ACOT13: variants seen among roughly 807,000 people sequenced by gnomAD.
ACOT13 encodes acyl-coenzyme A thioesterase 13.
A neutral mutation model predicts 11.8 loss-of-function variants in ACOT13; 10 were observed. That is an observed-to-expected ratio of 0.85 (90% CI 0.53 to 1.44). The LOEUF (loss-of-function observed/expected upper bound fraction) is 1.44, where lower values mean the gene tolerates loss of function less well. Ranked by LOEUF, ACOT13 falls within the 40% of genes most tolerant of loss-of-function variation. The pLI, the probability that ACOT13 is intolerant of heterozygous loss-of-function variation, is 0.00. For synonymous variants in ACOT13, 53 were observed against 61.0 expected (o/e 0.87, Z 0.61); for missense variants, 172 against 174.1 (o/e 0.99, Z 0.07).
chr6:24,684,606 A>G (rs1342071464), intron 1 of ACOT13, among the ~76,000 whole-genome samples: 4 of 146,048 alleles, frequency 2.7e-5, no homozygotes. Flanking sequence ...TGGAAATACA[A>G]TGTAAGCTAC....
At chr6:24,680,569 C>T (rs981772707) in intron 1 of ACOT13, among the ~76,000 whole-genome samples, 3 of 152,092 alleles carry the variant, frequency 2.0e-5, no homozygotes, top group Admixed American at 1.3e-4. Flanking sequence ...TAGTTACGCT[C>T]ACCAATGTAG....
intron 1 of ACOT13, among the ~76,000 whole-genome samples, chr6:24,679,526 A>G (rs1358824578): frequency 2.6e-5 from 4 of 152,180 alleles, no homozygotes; most frequent in Admixed American, 2.0e-4. Context: ...TGCATAATTC[A>G]TAGGCTTCTT....
At chr6:24,695,814 C>A (rs961443412) in intron 1 of ACOT13, among the ~76,000 whole-genome samples, 1 of 152,162 alleles carries the variant, frequency 6.6e-6, no homozygotes, top group Non-Finnish European at 1.5e-5. Flanking sequence ...CGACTCTAAT[C>A]CCAGCACTTT....
rs1325975727 is a variant in ACOT13 at position 24,704,259 on chromosome 6, A to C, written c.*2644A>C. The C allele has an allele frequency of 6.6e-6, 1 of 152,246 alleles. No individual in the cohort carries two copies. Among genetic ancestry groups the C allele is most frequent in the Non-Finnish European group, 1.5e-5 (1 of 68,048 alleles). The allele number at this position is 152,246 out of a possible 1,614,324, so 9.4% of individuals were successfully genotyped here. A position where few individuals can be genotyped will look rare whatever the true frequency, so the allele number is the denominator to read the frequency against. On this transcript the variant is annotated 3_prime_UTR_variant, in exon 3 of 3. Coordinates refer to ENST00000230048, the MANE Select transcript of ACOT13 (RefSeq NM_018473.4). Reference sequence around the variant, plus strand: ...AGAGAAAATGAAAAAAATGTGGCAAAATAATAAAAATGAGGGTAAAGATTA... The same window carrying C: ...AGAGAAAATGAAAAAAATGTGGCAACATAATAAAAATGAGGGTAAAGATTA...
At chr6:24,674,962 A>G (rs1023109882) in intron 1 of ACOT13, among the ~76,000 whole-genome samples, 6 of 140,490 alleles carry the variant, frequency 4.3e-5, no homozygotes, top group Admixed American at 8.2e-5. Context: ...GTTCCCATCT[A>G]TGAGTGAGAA....
At chr6:24,675,515 G>A (rs1236588642) in intron 1 of ACOT13, among the ~76,000 whole-genome samples, 1 of 152,208 alleles carries the variant, frequency 6.6e-6, no homozygotes, top group African/African-American at 2.4e-5. Context: ...TCTGTTGGCT[G>A]CATAAATGTC....
At chr6:24,682,802 T>C (rs1469666373) in intron 1 of ACOT13, among the ~76,000 whole-genome samples, 6 of 151,670 alleles carry the variant, frequency 4.0e-5, no homozygotes, top group Non-Finnish European at 5.9e-5. Context: ...TAGAGTGAAA[T>C]AGAGTGAAAA....
In ACOT13 at chr6:24,704,982, A is replaced by G. The variant is rs756848559; in HGVS notation, c.*3367A>G. Reference sequence around the variant, plus strand: ...TAAATACAATTGGAAACTGGTAAGCACTAGTTTTACTCCAAAGGAGTAGGA... The same window carrying G: ...TAAATACAATTGGAAACTGGTAAGCGCTAGTTTTACTCCAAAGGAGTAGGA... On this transcript the variant is annotated 3_prime_UTR_variant, in exon 3 of 3. Coordinates refer to ENST00000230048, the MANE Select transcript of ACOT13 (RefSeq NM_018473.4). 1.3e-5 allele frequency: 2 copies of G among 151,670 alleles called. No individual in the cohort carries two copies. Among genetic ancestry groups the G allele is most frequent in the Non-Finnish European group, 2.9e-5 (2 of 67,838 alleles). The allele number at this position is 151,670 out of a possible 1,614,324, so 9.4% of individuals were successfully genotyped here.
chr6:24,689,874 A>C (rs1778695664), intron 1 of ACOT13, among the ~76,000 whole-genome samples: 1 of 152,212 alleles, frequency 6.6e-6, no homozygotes, highest in Non-Finnish European at 1.5e-5. Context: ...ACTCACAGCA[A>C]ATATAAGTAT....
intron 1 of ACOT13, among the ~76,000 whole-genome samples, chr6:24,689,668 A>G (rs1425094710): frequency 6.6e-6 from 1 of 152,178 alleles, no homozygotes; most frequent in African/African-American, 2.4e-5. Flanking sequence ...CAGCACCGAA[A>G]GAGTAGTAGG....
chr6:24,703,275 TAAAGAC>T lies in ACOT13; in HGVS notation c.*1664_*1669del, dbSNP rs1778926552. On this transcript the variant is annotated 3_prime_UTR_variant, in exon 3 of 3. Transcript: ENST00000230048. ...AGTAAATTTAAGTCAAGTTAACAGT[TAAAGAC>T]AAATCCTTTCCCTACATTAGATCGC... is the stretch of plus-strand genomic sequence containing the variant. The T allele has an allele frequency of 6.6e-6, 1 of 152,220 alleles. No homozygotes were observed. Among genetic ancestry groups the T allele is most frequent in the Non-Finnish European group, 1.5e-5 (1 of 68,000 alleles). 9.4% of individuals were successfully genotyped at this position (152,220 alleles called of 1,614,324 possible). A position where few individuals can be genotyped will look rare whatever the true frequency, so the allele number is the denominator to read the frequency against.
At chr6:24,700,381 T>C (rs1778872131) in intron 2 of ACOT13, among the ~76,000 whole-genome samples, 1 of 151,848 alleles carries the variant, frequency 6.6e-6, no homozygotes, top group African/African-American at 2.4e-5. Flanking sequence ...CATTGAGGTA[T>C]GTGAATTAAA....
At chr6:24,669,020 C>G (rs916156064) in intron 1 of ACOT13, among the ~76,000 whole-genome samples, 1 of 152,168 alleles carries the variant, frequency 6.6e-6, no homozygotes, top group Non-Finnish European at 1.5e-5. Context: ...TTCCCTGCCT[C>G]CAGATCCGAT....
Position 24,698,042 on chromosome 6 carries a change from G to C in ACOT13, c.241G>C (p.Gly81Arg). 1.2e-6 allele frequency: 2 copies of C among 1,609,374 alleles called. No individual in the cohort carries two copies. The highest frequency in any genetic ancestry group is 1.7e-6 in the Non-Finnish European group (2 of 1,178,224). ...ALLCTERGAP[G>R]VSVDMNITYM... ...GCTATGCACGGAAAGGGGAGCACCC[G>C]GAGTCAGTGTCGATATGAACATAAC... Residue 81 changes from glycine to arginine, a missense_variant, in exon 2 of 3, where the codon GGA becomes CGA. Coordinates refer to ENST00000230048, the MANE Select transcript of ACOT13 (RefSeq NM_018473.4).
At chr6:24,676,601 A>T (rs1385460376) in intron 1 of ACOT13, among the ~76,000 whole-genome samples, 2 of 152,192 alleles carry the variant, frequency 1.3e-5, no homozygotes, top group East Asian at 1.9e-4. Context: ...GAAGTTGCTT[A>T]TCCGCTTAAG....
chr6:24,685,899 G>T (rs981539031), intron 1 of ACOT13, among the ~76,000 whole-genome samples: 1 of 152,196 alleles, frequency 6.6e-6, no homozygotes, highest in Non-Finnish European at 1.5e-5. Context: ...TTAGAACAAA[G>T]ATTAACAGTC....
chr6:24,668,217 T>TTTG (rs17249498), intron 1 of ACOT13, among the ~76,000 whole-genome samples: 48 of 148,880 alleles, frequency 3.2e-4, no homozygotes, highest in African/African-American at 7.2e-4. Flanking sequence ...CTTGAAGGTG[T>TTTG]TTGTTGTTGT....
intron 2 of ACOT13, among the ~76,000 whole-genome samples, chr6:24,698,787 G>A (rs1388958858): frequency 1.3e-5 from 2 of 151,880 alleles, no homozygotes; most frequent in East Asian, 1.9e-4. Flanking sequence ...ACAGGTGTGC[G>A]CCACCATGCT....
Position 24,700,818 on chromosome 6 carries a change from GT to G in ACOT13, c.267-638del, listed in dbSNP as rs1366402142. The G allele has an allele frequency of 5.3e-5, 8 of 152,088 alleles. No individual in the cohort carries two copies. In the East Asian group the frequency reaches 1.2e-3, roughly 22 times the overall value. 9.4% of individuals were successfully genotyped at this position (152,088 alleles called of 1,614,324 possible). On this transcript the variant is annotated intron_variant, in intron 2 of 2. Coordinates refer to ENST00000230048, the MANE Select transcript of ACOT13 (RefSeq NM_018473.4). ...GCAAAAATACATATCCTTTTTAAAG[GT>G]TTCTTTCTAAAAAGCAGAAACATAA... is the stretch of plus-strand genomic sequence containing the variant.
Sources: allele counts gnomAD v4.1 joint callset (sites outside exome capture counted in the v4.1 genomes callset), GRCh38; gene constraint gnomAD v4.1.1; transcripts MANE v1.5; gene names NCBI Gene and HGNC (gene_info 2026-07-23, HGNC 2026-07-21).